Variants in LIMCH1 observed in about 807,000 individuals in gnomAD.
LIMCH1 encodes the protein LIM and calponin homology domains 1, also known as LIM and calponin homology domains-containing protein 1.
A neutral mutation model predicts 176.5 loss-of-function variants in LIMCH1; 113 were observed. The ratio of observed to expected loss-of-function variants is 0.64; its 90% CI spans 0.55 to 0.75. The LOEUF (loss-of-function observed/expected upper bound fraction) is 0.75. LIMCH1 is among the 30% of genes least tolerant of loss of function. LIMCH1 has a pLI of 0.00. For synonymous variants in LIMCH1, 619 were observed against 645.9 expected (o/e 0.96, Z 0.63); for missense variants, 1,674 against 1,814.9 (o/e 0.92, Z 1.41).
At chr4:41,552,609 T>G (rs1172871757) in intron 1 of LIMCH1, among the ~76,000 whole-genome samples, 1 of 152,212 alleles carries the variant, frequency 6.6e-6, no homozygotes, top group African/African-American at 2.4e-5. Flanking sequence ...ACATGGATAT[T>G]TAAAAATTTT....
At chr4:41,561,959 G>T (rs1296923897) in intron 1 of LIMCH1, among the ~76,000 whole-genome samples, 3 of 152,132 alleles carry the variant, frequency 2.0e-5, no homozygotes, top group Non-Finnish European at 4.4e-5. Flanking sequence ...AGAGAATTCT[G>T]ATTATAAAAC....
At chr4:41,406,609 T>C (rs6447067) in intron 1 of LIMCH1, among the ~76,000 whole-genome samples, 86,555 of 152,078 alleles carry the variant, frequency 0.57, 27,983 homozygotes, top group East Asian at 0.82. Context: ...AAAAAAATTA[T>C]TGAAATGTCA....
intron 10 of LIMCH1, among the ~76,000 whole-genome samples, chr4:41,632,405 A>C (rs576855487): frequency 3.3e-5 from 5 of 152,154 alleles, no homozygotes; most frequent in African/African-American, 4.8e-5. Context: ...TATAAACACC[A>C]GAAATAAAGA....
intron 17 of LIMCH1, among the ~76,000 whole-genome samples, chr4:41,648,546 A>G (rs533133407): frequency 6.6e-6 from 1 of 152,310 alleles, no homozygotes; most frequent in South Asian, 2.1e-4. Context: ...CTGATGGCCT[A>G]CAGTTCCATT....
At chr4:41,562,567 C>T (rs1302705673) in intron 1 of LIMCH1, among the ~76,000 whole-genome samples, 1 of 152,156 alleles carries the variant, frequency 6.6e-6, no homozygotes, top group Non-Finnish European at 1.5e-5. Flanking sequence ...TTAATTTAGA[C>T]TTTAAAAATT....
At chr4:41,469,735 G>T (rs895057215) in intron 1 of LIMCH1, among the ~76,000 whole-genome samples, 1 of 150,492 alleles carries the variant, frequency 6.6e-6, no homozygotes, top group Admixed American at 6.6e-5. Flanking sequence ...AGGCTGGACT[G>T]CAGTGGCACA....
intron 2 of LIMCH1, among the ~76,000 whole-genome samples, chr4:41,499,423 A>G (rs1158311799): frequency 6.6e-6 from 1 of 152,244 alleles, no homozygotes; most frequent in Non-Finnish European, 1.5e-5. Context: ...ATCCTCCGTA[A>G]CCATTCAAGG....
intron 1 of LIMCH1, among the ~76,000 whole-genome samples, chr4:41,369,790 C>T (rs2053669227): frequency 6.6e-6 from 1 of 152,070 alleles, no homozygotes; most frequent in Non-Finnish European, 1.5e-5. Flanking sequence ...TTCAGCCAGG[C>T]TGTTCCTCAC....
intron 1 of LIMCH1, among the ~76,000 whole-genome samples, chr4:41,423,991 A>G (rs2060854600): frequency 1.3e-5 from 2 of 152,194 alleles, no homozygotes; most frequent in Non-Finnish European, 2.9e-5. Flanking sequence ...CAGAATAACA[A>G]GGATAGGATA....
intron 19 of LIMCH1, chr4:41,661,933 A>G: frequency 2.4e-6 from 1 of 415,934 alleles, no homozygotes. Flanking sequence ...TAGTGCCATG[A>G]ATCTGGACAG....
At chr4:41,419,174 TTTTATTTAATTTTA>T (rs1407660877) in intron 1 of LIMCH1, among the ~76,000 whole-genome samples, 11,341 of 105,492 alleles carry the variant, frequency 0.11, 745 homozygotes, top group African/African-American at 0.25. Context: ...TTTCATTTTA[TTTTATTTAATTTTA>T]TTATTTTGAG....
intron 21 of LIMCH1, among the ~76,000 whole-genome samples, chr4:41,667,468 A>G (rs1397736312): frequency 6.6e-6 from 1 of 152,168 alleles, no homozygotes; most frequent in East Asian, 1.9e-4. Context: ...TGTTTAACAC[A>G]TACATACTGA....
chr4:41,412,361 GC>G (rs1243479924), intron 1 of LIMCH1, among the ~76,000 whole-genome samples: 1 of 152,196 alleles, frequency 6.6e-6, no homozygotes. Flanking sequence ...TGTTCTAGGT[GC>G]TGAATTGCAT....
intron 1 of LIMCH1, among the ~76,000 whole-genome samples, chr4:41,446,989 G>A (rs2063347960): frequency 6.6e-6 from 1 of 152,208 alleles, no homozygotes. Flanking sequence ...TGCACTTTGG[G>A]AGGCTGAGGC....
At chr4:41,661,559 A>G in intron 19 of LIMCH1, 49 bp downstream of exon 19, 1 of 1,269,612 alleles carries the variant, frequency 7.9e-7, no homozygotes, top group Non-Finnish European at 1.1e-6. Flanking sequence ...GTAACTGTTT[A>G]AGATGTAATG....
At chr4:41,535,848 T>C (rs761288403), upstream of LIMCH1, among the ~76,000 whole-genome samples, 4 of 152,228 alleles carry the variant, frequency 2.6e-5, no homozygotes, top group African/African-American at 4.8e-5. Context: ...AGGTTATATA[T>C]AGCAGTGCTG....
intron 4 of LIMCH1, among the ~76,000 whole-genome samples, chr4:41,611,105 G>A (rs376422601): frequency 1.3e-5 from 2 of 152,170 alleles, no homozygotes; most frequent in South Asian, 2.1e-4. Flanking sequence ...CCAAGCATTT[G>A]GATAATGGAG....
rs963725162 is a variant in LIMCH1 at position 41,425,544 on chromosome 4, G to A, written c.96+64608G>A. Among the ~76,000 whole-genome samples, 4 of 152,038 alleles carry A rather than the reference G, an allele frequency of 2.6e-5. No homozygotes were observed. The East Asian group carries it at 5.8e-4, about 22-fold the overall frequency. ...GTATTTTCAGTAGAGACAGGGTTTC[G>A]CCATGTTGGCCAGGCTGGTCTCGAA... On this transcript the variant is annotated intron_variant, in intron 1 of 26. Coordinates refer to the LIMCH1 transcript ENST00000313860.
chr4:41,602,151 A>G (rs898278772), intron 2 of LIMCH1, among the ~76,000 whole-genome samples: 3 of 144,004 alleles, frequency 2.1e-5, no homozygotes, highest in Admixed American at 1.4e-4. Context: ...AAAAAAAAAA[A>G]GAGGAAAAGC....
Sources: gnomAD v4.1 joint callset for allele counts (sites outside exome capture counted in the v4.1 genomes callset) on GRCh38, gnomAD v4.1.1 for gene constraint, MANE v1.5 for transcripts, NCBI Gene and HGNC (gene_info 2026-07-23, HGNC 2026-07-21) for gene names.